SNX29: variants seen among roughly 807,000 people sequenced by gnomAD.
SNX29 encodes the protein sorting nexin-29.
Under a neutral mutation model 102.1 loss-of-function variants are expected in SNX29, and 78 were observed. The ratio of observed to expected loss-of-function variants is 0.76; its 90% CI spans 0.64 to 0.92. SNX29 has a LOEUF of 0.92. SNX29 is among the 40% of genes least tolerant of loss of function. The pLI is 0.00. For missense variants in SNX29, 1,280 were observed against 1,061.7 expected (o/e 1.21, Z -2.86); for synonymous variants, 580 against 414.5 (o/e 1.40, Z -4.85).
intron 14 of SNX29, among the ~76,000 whole-genome samples, chr16:12,236,154 T>C (rs2077925846): frequency 6.6e-6 from 1 of 152,212 alleles, no homozygotes. Context: ...CACATCAATC[T>C]GACATAAATC....
chr16:12,077,243 C>G (rs552360530), intron 10 of SNX29, among the ~76,000 whole-genome samples: 1 of 151,684 alleles, frequency 6.6e-6, no homozygotes, highest in African/African-American at 2.4e-5. Flanking sequence ...TGCACCACTG[C>G]ACTCCAGCCT....
chr16:12,569,481 C>G lies in SNX29; in HGVS notation c.*852C>G, dbSNP rs963292740. 1 of 231,484 alleles carries G rather than the reference C, an allele frequency of 4.3e-6. No homozygotes were observed. The highest frequency in any genetic ancestry group is 8.5e-6 in the Non-Finnish European group (1 of 117,022). 14.3% of individuals were successfully genotyped at this position (231,484 alleles called of 1,614,324 possible). On this transcript the variant is annotated 3_prime_UTR_variant, in exon 21 of 21. Coordinates refer to ENST00000566228, the MANE Select transcript of SNX29 (RefSeq NM_032167.5). ...ATGAGAGACTTGGGTCAGGGAACCACTGCAGAAGGTTCCAGGGTTTTCAAA... is the reference window on the plus strand; with the variant it reads ...ATGAGAGACTTGGGTCAGGGAACCAGTGCAGAAGGTTCCAGGGTTTTCAAA...
At chr16:12,348,306 C>G (rs2151284446) in intron 15 of SNX29, among the ~76,000 whole-genome samples, 1 of 152,226 alleles carries the variant, frequency 6.6e-6, no homozygotes, top group Middle Eastern at 3.4e-3. Context: ...GAAGCAGAAA[C>G]CATTTTGGAG....
chr16:12,285,534 C>A (rs1001636012), intron 15 of SNX29, among the ~76,000 whole-genome samples: 1 of 152,106 alleles, frequency 6.6e-6, no homozygotes, highest in African/African-American at 2.4e-5. Context: ...TAAGCTTGAA[C>A]ATCAAGCTGG....
At chr16:12,446,047 CTTTTTTTTTTTT>C (rs60889973) in intron 18 of SNX29, among the ~76,000 whole-genome samples, 2 of 98,592 alleles carry the variant, frequency 2.0e-5, no homozygotes, top group Admixed American at 1.1e-4. Context: ...GCTTCTCATT[CTTTTTTTTTTTT>C]TTTTTTTTTT....
chr16:12,552,045 A>C (rs1408085957), intron 20 of SNX29, among the ~76,000 whole-genome samples: 1 of 151,666 alleles, frequency 6.6e-6, no homozygotes. Flanking sequence ...TCAGATGGGA[A>C]GGATTTTTGG....
intron 5 of SNX29, among the ~76,000 whole-genome samples, chr16:12,044,485 C>G (rs1365719126): frequency 6.6e-6 from 1 of 152,184 alleles, no homozygotes; most frequent in Non-Finnish European, 1.5e-5. Flanking sequence ...CTGATGACAC[C>G]TGTGTACTGC....
intron 20 of SNX29, among the ~76,000 whole-genome samples, chr16:12,551,688 A>AC (rs1479366193): frequency 6.6e-6 from 1 of 152,040 alleles, no homozygotes; most frequent in Non-Finnish European, 1.5e-5. Flanking sequence ...TAAAAGTACC[A>AC]CCCTCCTTTC....
intron 20 of SNX29, among the ~76,000 whole-genome samples, chr16:12,567,244 C>A (rs551808811): frequency 6.6e-6 from 1 of 152,086 alleles, no homozygotes; most frequent in Non-Finnish European, 1.5e-5. Flanking sequence ...GCTGTGGACA[C>A]AGTCCTGTCT....
chr16:12,265,801 A>G (rs1438807289), intron 14 of SNX29, among the ~76,000 whole-genome samples: 1 of 151,152 alleles, frequency 6.6e-6, no homozygotes, highest in African/African-American at 2.4e-5. Context: ...GAGGTGGAGG[A>G]TCACCTGAGC....
At chr16:12,284,423 C>G (rs778572929) in intron 15 of SNX29, among the ~76,000 whole-genome samples, 1 of 152,218 alleles carries the variant, frequency 6.6e-6, no homozygotes. Flanking sequence ...TCCTCTTCTC[C>G]CCTCCATCCT....
At chr16:12,298,151 C>T (rs1379582766) in intron 15 of SNX29, among the ~76,000 whole-genome samples, 1 of 152,202 alleles carries the variant, frequency 6.6e-6, no homozygotes, top group Non-Finnish European at 1.5e-5. Context: ...GCCTGGGCAA[C>T]AGAGCGAGAC....
intron 2 of SNX29, among the ~76,000 whole-genome samples, chr16:12,000,916 G>A (rs2056264647): frequency 6.6e-6 from 1 of 152,152 alleles, no homozygotes; most frequent in South Asian, 2.1e-4. Context: ...TGGCTGCTGA[G>A]GGAATTGGAT....
chr16:12,261,024 C>A (rs1199148808), intron 14 of SNX29, among the ~76,000 whole-genome samples: 2 of 146,070 alleles, frequency 1.4e-5, no homozygotes, highest in Admixed American at 6.8e-5. Flanking sequence ...GTGCACGTGT[C>A]CCCGGCTGGA....
intron 13 of SNX29, among the ~76,000 whole-genome samples, chr16:12,140,098 C>T (rs1218240164): frequency 6.7e-6 from 1 of 150,156 alleles, no homozygotes; most frequent in African/African-American, 2.4e-5. Flanking sequence ...GCTCATGAAA[C>T]TTAAACCTAC....
chr16:12,062,701 G>C (rs1031547168), intron 9 of SNX29, among the ~76,000 whole-genome samples: 6 of 152,118 alleles, frequency 3.9e-5, no homozygotes, highest in Non-Finnish European at 2.9e-5. Context: ...CCTTCTCTGG[G>C]CCCAGATTTA....
At chr16:12,255,172 C>T (rs2078533095) in intron 14 of SNX29, among the ~76,000 whole-genome samples, 1 of 152,018 alleles carries the variant, frequency 6.6e-6, no homozygotes, top group Non-Finnish European at 1.5e-5. Flanking sequence ...ATAATCTCTT[C>T]ACAATTTTCA....
intron 20 of SNX29, among the ~76,000 whole-genome samples, chr16:12,528,986 C>G (rs939339461): frequency 2.0e-5 from 3 of 152,242 alleles, no homozygotes; most frequent in Admixed American, 1.3e-4. Context: ...ACACACTCTT[C>G]CATTTTTAAA....
intron 1 of SNX29, among the ~76,000 whole-genome samples, chr16:11,979,374 C>T (rs1596517581): frequency 6.6e-6 from 1 of 150,628 alleles, no homozygotes; most frequent in Non-Finnish European, 1.5e-5. Flanking sequence ...GGATGAAAAC[C>T]TTCTTTTGGA....
Sources: allele counts gnomAD v4.1 joint callset (sites outside exome capture counted in the v4.1 genomes callset), GRCh38; gene constraint gnomAD v4.1.1; transcripts MANE v1.5; gene names NCBI Gene and HGNC (gene_info 2026-07-23, HGNC 2026-07-21).